Variants in INPP4B observed in about 807,000 individuals in gnomAD.
INPP4B encodes the protein inositol polyphosphate 4-phosphatase type II.
In INPP4B, 55 loss-of-function variants were observed where a neutral mutation model predicts 122.5. That is an observed-to-expected ratio of 0.45 (90% CI 0.36 to 0.56). INPP4B has a LOEUF of 0.56. Among genes scored for constraint, INPP4B ranks in the 20% least tolerant of loss-of-function variants. The pLI, the probability that INPP4B is intolerant of heterozygous loss-of-function variation, is 0.00. For missense variants in INPP4B, 1,000 were observed against 1,097.7 expected (o/e 0.91, Z 1.26); for synonymous variants, 403 against 388.7 (o/e 1.04, Z -0.43).
chr4:142,318,179 G>C (rs9654254), intron 7 of INPP4B, among the ~76,000 whole-genome samples: 2,330 of 152,076 alleles, frequency 0.015, 58 homozygotes, highest in African/African-American at 0.053. Flanking sequence ...CAAACAGTAC[G>C]TGACCCAGAG....
chr4:142,090,873 C>T (rs1033324861), intron 23 of INPP4B, among the ~76,000 whole-genome samples: 2 of 151,846 alleles, frequency 1.3e-5, no homozygotes, highest in Non-Finnish European at 2.9e-5. Context: ...AAAAAGGATA[C>T]ACAAATGCCA....
chr4:142,472,502 C>T (rs1045784712), intron 2 of INPP4B, among the ~76,000 whole-genome samples: 7 of 152,124 alleles, frequency 4.6e-5, no homozygotes, highest in African/African-American at 1.4e-4. Context: ...CTCTTTAATA[C>T]TGAAAAAGAA....
chr4:142,493,028 A>G (rs2149789441), intron 2 of INPP4B, among the ~76,000 whole-genome samples: 1 of 152,322 alleles, frequency 6.6e-6, no homozygotes. Flanking sequence ...CTTCAGCTTC[A>G]GCTGTGGCTA....
chr4:142,384,177 A>C (rs777829625), intron 7 of INPP4B: 1 of 700,874 alleles, frequency 1.4e-6, no homozygotes, highest in African/African-American at 1.7e-5. Flanking sequence ...AAAATGTTCA[A>C]GAATTCCAGT....
chr4:142,566,591 A>C (rs1731672873), intron 2 of INPP4B, among the ~76,000 whole-genome samples: 1 of 152,202 alleles, frequency 6.6e-6, no homozygotes. Flanking sequence ...TGAGATTGCT[A>C]TCTGGGAAAG....
At chr4:142,354,575 C>G (rs1782972435) in intron 7 of INPP4B, among the ~76,000 whole-genome samples, 1 of 151,942 alleles carries the variant, frequency 6.6e-6, no homozygotes, top group Non-Finnish European at 1.5e-5. Flanking sequence ...CCAGAGAATT[C>G]ATCTAACAAA....
In INPP4B at chr4:142,751,609, T is replaced by C. The variant is rs528196522; in HGVS notation, c.-253-25708A>G. On this transcript the variant is annotated intron_variant, in intron 1 of 25. Transcript: ENST00000262992. Reference sequence around the variant, plus strand: ...GGCCTCCTCAAGACACATGATTCTGTGATTCTATTAATATGCCATGCTCTA... The same window carrying C: ...GGCCTCCTCAAGACACATGATTCTGCGATTCTATTAATATGCCATGCTCTA... 5.9e-5 allele frequency among the ~76,000 whole-genome samples: 9 copies of C among 152,158 alleles called. No homozygotes were observed. The South Asian group carries it at 1.9e-3, about 32-fold the overall frequency.
intron 7 of INPP4B, among the ~76,000 whole-genome samples, chr4:142,344,417 A>G (rs887433195): frequency 3.9e-5 from 6 of 152,060 alleles, no homozygotes; most frequent in African/African-American, 1.4e-4. Flanking sequence ...TGGAAAATGT[A>G]TGTGTGGTGA....
intron 2 of INPP4B, among the ~76,000 whole-genome samples, chr4:142,518,138 T>C (rs1226322458): frequency 1.3e-5 from 2 of 152,156 alleles, no homozygotes; most frequent in African/African-American, 4.8e-5. Context: ...ATTTCAGCAA[T>C]TAGCATTTAA....
intron 2 of INPP4B, among the ~76,000 whole-genome samples, chr4:142,558,998 G>A (rs143528942): frequency 2.4e-3 from 367 of 151,988 alleles, no homozygotes; most frequent in Non-Finnish European, 4.5e-3. Context: ...CTGTTAGAAC[G>A]CTGCGAAGCC....
chr4:142,595,033 T>A (rs1032034988), intron 2 of INPP4B, among the ~76,000 whole-genome samples: 2 of 152,064 alleles, frequency 1.3e-5, no homozygotes, highest in African/African-American at 4.8e-5. Flanking sequence ...CATTTTTATT[T>A]ATTTGACTAT....
At chr4:142,446,650 T>A (rs1001780713) in intron 3 of INPP4B, among the ~76,000 whole-genome samples, 5 of 152,162 alleles carry the variant, frequency 3.3e-5, no homozygotes, top group Non-Finnish European at 7.4e-5. Flanking sequence ...AATATTGTGA[T>A]TTATTCATTC....
intron 1 of INPP4B, among the ~76,000 whole-genome samples, chr4:142,833,477 A>C (rs1782415319): frequency 1.3e-5 from 2 of 152,076 alleles, no homozygotes; most frequent in African/African-American, 4.8e-5. Context: ...TAACAATAAC[A>C]ATCATATTAA....
At chr4:142,673,183 C>A (rs1456408720) in intron 2 of INPP4B, among the ~76,000 whole-genome samples, 1 of 152,084 alleles carries the variant, frequency 6.6e-6, no homozygotes, top group African/African-American at 2.4e-5. Context: ...TAACGTTGTT[C>A]ATTTAGAAAA....
chr4:142,542,469 A>C (rs1829049372), intron 2 of INPP4B, among the ~76,000 whole-genome samples: 1 of 152,192 alleles, frequency 6.6e-6, no homozygotes, highest in Non-Finnish European at 1.5e-5. Context: ...GAGAAAAACT[A>C]GCAAATTTTA....
chr4:142,200,975 CCTGT>C (rs1353028131), intron 14 of INPP4B, among the ~76,000 whole-genome samples: 2 of 152,022 alleles, frequency 1.3e-5, no homozygotes, highest in East Asian at 1.9e-4. Context: ...GCAAAGTCTC[CCTGT>C]CTTTGTATTT....
intron 16 of INPP4B, among the ~76,000 whole-genome samples, chr4:142,170,198 T>C: frequency 6.6e-6 from 1 of 151,756 alleles, no homozygotes; most frequent in Middle Eastern, 3.2e-3. Context: ...AAAACTCAGC[T>C]TGGCTTTTGT....
intron 23 of INPP4B, among the ~76,000 whole-genome samples, chr4:142,095,540 T>A (rs764581695): frequency 6.6e-6 from 1 of 152,164 alleles, no homozygotes; most frequent in African/African-American, 2.4e-5. Context: ...TGAGTCTCAA[T>A]ATTTTCAGTA....
intron 23 of INPP4B, among the ~76,000 whole-genome samples, chr4:142,092,431 C>T (rs1320841125): frequency 2.0e-5 from 3 of 152,140 alleles, no homozygotes; most frequent in Non-Finnish European, 4.4e-5. Context: ...GCTGGGATTA[C>T]AGGCACCCGC....
Sources: gnomAD v4.1 joint callset for allele counts (sites outside exome capture counted in the v4.1 genomes callset) on GRCh38, gnomAD v4.1.1 for gene constraint, MANE v1.5 for transcripts, NCBI Gene and HGNC (gene_info 2026-07-23, HGNC 2026-07-21) for gene names.